The following KRABD4 variants were observed in gnomAD, a reference collection of about 807,000 sequenced individuals.
KRABD4 encodes the protein KRAB domain containing 4, also known as KRAB domain-containing protein 4.
chrX:46,455,393 C>G, the KRABD4 span: 7 of 461,195 alleles, frequency 1.5e-5, no homozygotes, highest in Non-Finnish European at 2.4e-5. Context: ...GGATCTTTGT[C>G]GGCAATGTGT....
the KRABD4 span, chrX:46,457,073 C>T: frequency 5.4e-6 from 2 of 368,188 alleles, no homozygotes; most frequent in Non-Finnish European, 9.8e-6. Flanking sequence ...TGTTGTCCCT[C>T]CGTGGCGCAT....
At chrX:46,467,880 G>A in the KRABD4 span, among the ~76,000 whole-genome samples, 145 of 111,970 alleles carry the variant, frequency 1.3e-3, no homozygotes, top group Middle Eastern at 4.6e-3. Context: ...GCTGTGGCTT[G>A]TTTTGTTCAT....
chrX:46,471,142 A>G, the KRABD4 span: 3 of 1,163,957 alleles, frequency 2.6e-6, no homozygotes, highest in Non-Finnish European at 3.4e-6. Flanking sequence ...TCTCTTTCAG[A>G]TGTATCCATT....
chrX:46,458,324 G>A, the KRABD4 span, among the ~76,000 whole-genome samples: 1 of 112,241 alleles, frequency 8.9e-6, no homozygotes, highest in African/African-American at 3.2e-5. Flanking sequence ...GTTATAAACT[G>A]TATACAGCAT....
chrX:46,447,762 A>G, the KRABD4 span, among the ~76,000 whole-genome samples: 1 of 112,231 alleles, frequency 8.9e-6, no homozygotes, highest in Admixed American at 9.3e-5. Context: ...GTGTGGCTTG[A>G]CAACCTGTCC....
At chrX:46,450,708 T>C in the KRABD4 span, among the ~76,000 whole-genome samples, 4 of 100,286 alleles carry the variant, frequency 4.0e-5, no homozygotes, top group Non-Finnish European at 6.1e-5. Flanking sequence ...TCTTTCTCTT[T>C]TTTTTTTTTT....
the KRABD4 span, chrX:46,472,898 A>T: frequency 5.0e-6 from 6 of 1,210,370 alleles, no homozygotes; most frequent in South Asian, 1.1e-4. Flanking sequence ...ATCTGAGCAC[A>T]GAATTTGATT....
At chrX:46,459,694 G>A in the KRABD4 span, among the ~76,000 whole-genome samples, 25,761 of 111,027 alleles carry the variant, frequency 0.23, 2,694 homozygotes, top group Middle Eastern at 0.37. Context: ...CATTATCATT[G>A]TCATGTTTAG....
chrX:46,472,655 G>C, the KRABD4 span: 5 of 995,902 alleles, frequency 5.0e-6, no homozygotes, highest in Non-Finnish European at 6.9e-6. Flanking sequence ...ATGTTGATAG[G>C]AGTTCACTGC....
the KRABD4 span, among the ~76,000 whole-genome samples, chrX:46,464,667 G>C: frequency 8.9e-6 from 1 of 112,093 alleles, no homozygotes; most frequent in African/African-American, 3.2e-5. Flanking sequence ...AGATTCATCA[G>C]GATTTCTGAT....
the KRABD4 span, among the ~76,000 whole-genome samples, chrX:46,450,761 G>A: frequency 1.0e-5 from 1 of 100,071 alleles, no homozygotes; most frequent in Non-Finnish European, 2.0e-5. Flanking sequence ...GGAGTGCAGT[G>A]GTGCAATCTC....
the KRABD4 span, chrX:46,474,500 T>G: frequency 8.9e-6 from 1 of 111,964 alleles, no homozygotes; most frequent in Non-Finnish European, 1.9e-5. Context: ...CTTGTCATAT[T>G]GTGCATTAAA....
chrX:46,455,416 A>G, the KRABD4 span: 1 of 454,400 alleles, frequency 2.2e-6, no homozygotes, highest in Non-Finnish European at 4.0e-6. Flanking sequence ...AGTAGGCTGC[A>G]TCAAAGTTAC....
chrX:46,461,653 G>A, the KRABD4 span, among the ~76,000 whole-genome samples: 442 of 111,975 alleles, frequency 3.9e-3, 3 homozygotes, highest in Non-Finnish European at 6.1e-3. Flanking sequence ...GAATTGGGGC[G>A]CTTGTAGAAG....
At chrX:46,465,179 T>TA in the KRABD4 span, among the ~76,000 whole-genome samples, 1 of 113,131 alleles carries the variant, frequency 8.8e-6, no homozygotes, top group Non-Finnish European at 1.9e-5. Context: ...TGGTAACTTT[T>TA]AAAAAATCTA....
chrX:46,461,499 C>A, the KRABD4 span, among the ~76,000 whole-genome samples: 1 of 111,726 alleles, frequency 9.0e-6, no homozygotes, highest in East Asian at 2.8e-4. Flanking sequence ...CTGCCCCTCT[C>A]CTGCACAGCT....
chrX:46,455,001 A>C, the KRABD4 span: 2 of 306,352 alleles, frequency 6.5e-6, no homozygotes, highest in Non-Finnish European at 1.2e-5. Flanking sequence ...ATAAATACTC[A>C]GTCTTACTTA....
chrX:46,456,054 C>G, the KRABD4 span: 1 of 359,334 alleles, frequency 2.8e-6, no homozygotes, highest in South Asian at 2.7e-5. Flanking sequence ...ATCTACTCTT[C>G]ACTAAGTCCA....
chrX:46,455,652 A>G, the KRABD4 span: 3 of 380,370 alleles, frequency 7.9e-6, no homozygotes, highest in Non-Finnish European at 1.4e-5. Context: ...ATCTTCGAGA[A>G]TTATTACCTT....
Sources: allele counts gnomAD v4.1 joint callset (sites outside exome capture counted in the v4.1 genomes callset), GRCh38; gene constraint gnomAD v4.1.1; transcripts MANE v1.5; gene names NCBI Gene and HGNC (gene_info 2026-07-23, HGNC 2026-07-21).